PKIG: variants seen among roughly 807,000 people sequenced by gnomAD.
PKIG encodes the protein cAMP-dependent protein kinase inhibitor gamma.
In PKIG, 1 loss-of-function variant was observed where a neutral mutation model predicts 6.8. That is an observed-to-expected ratio of 0.15 (90% CI 0.05 to 0.69). The LOEUF (loss-of-function observed/expected upper bound fraction) is 0.69, where lower values mean the gene tolerates loss of function less well. PKIG is among the 30% of genes least tolerant of loss of function. The pLI is 0.82. For synonymous variants in PKIG, 39 were observed against 43.0 expected (o/e 0.91, Z 0.36); for missense variants, 77 against 104.0 (o/e 0.74, Z 1.13).
intron 2 of PKIG, among the ~76,000 whole-genome samples, chr20:44,609,159 G>A (rs1204337748): frequency 2.0e-5 from 3 of 152,188 alleles, no homozygotes; most frequent in Admixed American, 1.3e-4. Flanking sequence ...CCCCAGAGCC[G>A]TCTTTGGAAT....
At chr20:44,588,095 A>G (rs1314736894) in intron 1 of PKIG, among the ~76,000 whole-genome samples, 3 of 152,218 alleles carry the variant, frequency 2.0e-5, no homozygotes, top group Non-Finnish European at 4.4e-5. Context: ...TAGAAAGCCT[A>G]AGAGATTGGA....
At chr20:44,561,186 A>C (rs2064763875) in intron 1 of PKIG, among the ~76,000 whole-genome samples, 1 of 152,120 alleles carries the variant, frequency 6.6e-6, no homozygotes, top group Non-Finnish European at 1.5e-5. Context: ...AAATACAAAA[A>C]ATTAGCTGGA....
Position 44,614,621 on chromosome 20 carries a change from C to T in PKIG, c.65C>T (p.Ala22Val), listed in dbSNP as rs867529235. 6.2e-7 allele frequency: 1 copy of T among 1,613,840 alleles called. No homozygotes were observed. The highest frequency in any genetic ancestry group is 8.5e-7 in the Non-Finnish European group (1 of 1,179,778). The part of the protein sequence containing the change: ...ISCDRTGRRN[A>V]VPDIQGDSEA... ...TGTGACCGGACAGGCCGTCGGAATG[C>T]GGTCCCTGACATCCAGGGAGACTCA... Residue 22 changes from alanine (A) to valine (V), a missense_variant, in exon 3 of 4, where the codon GCG (alanine) becomes GTG (valine). Coordinates refer to ENST00000372886, the MANE Select transcript of PKIG (RefSeq NM_001281445.2). This position sits in a 1 kb window ranked among gnomAD's most constrained non-coding sequence, Gnocchi z 4.6.
intron 1 of PKIG, among the ~76,000 whole-genome samples, chr20:44,566,232 A>G (rs2008783655): frequency 6.6e-6 from 1 of 152,182 alleles, no homozygotes; most frequent in Non-Finnish European, 1.5e-5. Flanking sequence ...TTTTGTTTAC[A>G]CATTGTGTGT....
intron 2 of PKIG, among the ~76,000 whole-genome samples, chr20:44,601,096 T>C (rs574533741): frequency 4.3e-4 from 66 of 152,178 alleles, no homozygotes; most frequent in African/African-American, 1.5e-3. Flanking sequence ...TGTCTGGAAG[T>C]CCCATGAAGA....
At chr20:44,580,441 G>C (rs1600869326), upstream of PKIG, among the ~76,000 whole-genome samples, 1 of 152,090 alleles carries the variant, frequency 6.6e-6, no homozygotes, top group East Asian at 1.9e-4. Flanking sequence ...CATCTCCTGG[G>C]TTCAAGCAAT....
chr20:44,615,519 C>G (rs961755640), intron 3 of PKIG, among the ~76,000 whole-genome samples: 11 of 152,098 alleles, frequency 7.2e-5, no homozygotes, highest in Non-Finnish European at 1.3e-4. Flanking sequence ...ACCCCCACCC[C>G]CTCCATTCCC....
In PKIG at chr20:44,614,259, A is replaced by T; in HGVS notation, c.-23-275A>T. On this transcript the variant is annotated intron_variant, in intron 2 of 3. Transcript: ENST00000372886. This position sits in a 1 kb window ranked among gnomAD's most constrained non-coding sequence, Gnocchi z 4.6. ...TGGTATCTGTGCCAGTGCCTGGCGC[A>T]TGGTATTAATAAATGTGTGTACATG... 7.5e-6 allele frequency: 2 copies of T among 265,236 alleles called. No individual in the cohort carries two copies. Among genetic ancestry groups the T allele is most frequent in the Non-Finnish European group, 1.4e-5 (2 of 138,080 alleles). 16.4% of individuals were successfully genotyped at this position (265,236 alleles called of 1,614,324 possible).
chr20:44,587,783 A>G (rs1432242979), intron 1 of PKIG, among the ~76,000 whole-genome samples: 1 of 152,104 alleles, frequency 6.6e-6, no homozygotes, highest in Non-Finnish European at 1.5e-5. Flanking sequence ...CTCTAATTTT[A>G]ATTTCTCCCT....
At chr20:44,617,898 A>G (rs960560138) in intron 3 of PKIG, among the ~76,000 whole-genome samples, 6 of 125,504 alleles carry the variant, frequency 4.8e-5, no homozygotes, top group Admixed American at 7.5e-5. Context: ...TACAAAAATT[A>G]AAAAAAAAAC....
At chr20:44,581,777 G>T (rs894169752), upstream of PKIG, among the ~76,000 whole-genome samples, 3 of 152,186 alleles carry the variant, frequency 2.0e-5, no homozygotes, top group African/African-American at 7.2e-5. Context: ...TGGCATCTTG[G>T]GCAGTGGCCT....
At chr20:44,580,765 A>T (rs2064941078), upstream of PKIG, among the ~76,000 whole-genome samples, 1 of 152,164 alleles carries the variant, frequency 6.6e-6, no homozygotes, top group African/African-American at 2.4e-5. Context: ...GTTTTCTGAT[A>T]AGCATCTGTG....
chr20:44,607,375 ATATTTTT>A (rs1305602272), intron 2 of PKIG, among the ~76,000 whole-genome samples: 11 of 106,240 alleles, frequency 1.0e-4, no homozygotes, highest in Admixed American at 5.3e-4. Context: ...ATATATATAT[ATATTTTT>A]TTTTTTTTTT....
intron 2 of PKIG, among the ~76,000 whole-genome samples, chr20:44,606,903 G>A (rs2065168310): frequency 6.6e-6 from 1 of 152,226 alleles, no homozygotes; most frequent in Non-Finnish European, 1.5e-5. Flanking sequence ...GTGCCCTCTT[G>A]GAAGCAGAGA....
intron 1 of PKIG, among the ~76,000 whole-genome samples, chr20:44,554,354 T>G (rs2064695363): frequency 6.6e-6 from 1 of 152,144 alleles, no homozygotes; most frequent in African/African-American, 2.4e-5. Flanking sequence ...AGTGCTAGGA[T>G]TATAAGTGTG....
chr20:44,598,662 C>G (rs2065094718), intron 2 of PKIG: 1 of 152,218 alleles, frequency 6.6e-6, no homozygotes, highest in Non-Finnish European at 1.5e-5. Context: ...TGTAGCTGAG[C>G]CTCAGCAAGT....
At chr20:44,557,040 G>A (rs188663558) in intron 1 of PKIG, among the ~76,000 whole-genome samples, 2,194 of 151,754 alleles carry the variant, frequency 0.014, 26 homozygotes, top group Non-Finnish European at 0.023. Flanking sequence ...ATTAAAAAGG[G>A]GGCCATGCAT....
intron 1 of PKIG, among the ~76,000 whole-genome samples, chr20:44,569,568 C>A (rs981252024): frequency 6.6e-6 from 1 of 151,956 alleles, no homozygotes; most frequent in Non-Finnish European, 1.5e-5. Flanking sequence ...TATACATAAA[C>A]ATGTAATTTT....
chr20:44,589,302 A>G (rs940745485), intron 1 of PKIG, among the ~76,000 whole-genome samples: 1 of 152,106 alleles, frequency 6.6e-6, no homozygotes, highest in East Asian at 1.9e-4. Flanking sequence ...GCACCAGTAC[A>G]CTCCAGCCTG....
Sources: allele counts gnomAD v4.1 joint callset (sites outside exome capture counted in the v4.1 genomes callset), GRCh38; gene constraint gnomAD v4.1.1; non-coding constraint Gnocchi (gnomAD v3.1); transcripts MANE v1.5; gene names NCBI Gene and HGNC (gene_info 2026-07-23, HGNC 2026-07-21).